Variants in SLC44A5 observed in about 807,000 individuals in gnomAD.
The protein encoded by SLC44A5 is solute carrier family 44 member 5.
In SLC44A5, 57 loss-of-function variants were observed where a neutral mutation model predicts 101.8. That is an observed-to-expected ratio of 0.56 (90% CI 0.45 to 0.70). The LOEUF is 0.70. SLC44A5 is among the 30% of genes least tolerant of loss of function. The pLI is 0.00. For missense variants in SLC44A5, 737 were observed against 853.1 expected (o/e 0.86, Z 1.70); for synonymous variants, 281 against 290.9 (o/e 0.97, Z 0.35).
intron 1 of SLC44A5, among the ~76,000 whole-genome samples, chr1:75,542,267 C>T: frequency 6.6e-6 from 1 of 152,106 alleles, no homozygotes; most frequent in East Asian, 1.9e-4. Flanking sequence ...ATGTTAATGA[C>T]TTCCATAACC....
intron 5 of SLC44A5, among the ~76,000 whole-genome samples, chr1:75,278,512 T>C (rs1652119981): frequency 6.6e-6 from 1 of 152,108 alleles, no homozygotes; most frequent in Admixed American, 6.6e-5. Context: ...GAAATAATAG[T>C]CACAGATAAT....
the SLC44A5 span, among the ~76,000 whole-genome samples, chr1:75,669,476 TG>T: frequency 6.6e-6 from 1 of 152,206 alleles, no homozygotes; most frequent in Non-Finnish European, 1.5e-5. Context: ...TCTCACCCAG[TG>T]GAGGACACAA....
At chr1:75,615,666 G>A (rs1675846395), upstream of SLC44A5, among the ~76,000 whole-genome samples, 1 of 152,086 alleles carries the variant, frequency 6.6e-6, no homozygotes, top group Non-Finnish European at 1.5e-5. Flanking sequence ...ACTCCTGTCA[G>A]TGTCCCCGGA....
the SLC44A5 span, among the ~76,000 whole-genome samples, chr1:75,711,647 G>A: frequency 0.24 from 35,837 of 152,040 alleles, 4,606 homozygotes; most frequent in Non-Finnish European, 0.3. Flanking sequence ...TATCTTATGT[G>A]CAGGAAAAGT....
At chr1:75,544,137 T>A (rs910292351) in intron 1 of SLC44A5, among the ~76,000 whole-genome samples, 2 of 152,148 alleles carry the variant, frequency 1.3e-5, no homozygotes, top group Non-Finnish European at 2.9e-5. Context: ...GGCTCTGCTG[T>A]TATGAATGAA....
At chr1:75,709,047 T>A in the SLC44A5 span, among the ~76,000 whole-genome samples, 1 of 152,204 alleles carries the variant, frequency 6.6e-6, no homozygotes, top group East Asian at 1.9e-4. Flanking sequence ...CGGATACTGA[T>A]GAGTTGTTGC....
At chr1:75,556,153 G>A (rs192020020) in intron 1 of SLC44A5, among the ~76,000 whole-genome samples, 22 of 152,134 alleles carry the variant, frequency 1.4e-4, no homozygotes, top group African/African-American at 5.1e-4. Context: ...TTTTTATTGT[G>A]ATCATGATGT....
the SLC44A5 span, among the ~76,000 whole-genome samples, chr1:75,664,685 G>C: frequency 2.6e-5 from 4 of 152,266 alleles, no homozygotes; most frequent in East Asian, 7.7e-4. Flanking sequence ...ACTTTGGGAG[G>C]CCGAGGCAAG....
intron 1 of SLC44A5, among the ~76,000 whole-genome samples, chr1:75,605,586 T>C (rs2065481): frequency 0.31 from 46,716 of 151,912 alleles, 8,035 homozygotes; most frequent in East Asian, 0.78. Flanking sequence ...CAATGTGAAA[T>C]TGTGGTTTCT....
intron 1 of SLC44A5, among the ~76,000 whole-genome samples, chr1:75,598,584 C>G (rs145413466): frequency 1.3e-5 from 2 of 152,164 alleles, no homozygotes; most frequent in Non-Finnish European, 2.9e-5. Flanking sequence ...CCATGGAATA[C>G]TATGCAGCTA....
chr1:75,265,232 A>T (rs561213201), intron 6 of SLC44A5, among the ~76,000 whole-genome samples: 69 of 152,278 alleles, frequency 4.5e-4, no homozygotes, highest in Non-Finnish European at 7.6e-4. Context: ...TGGAGAGGAG[A>T]TAATTCTTTA....
At chr1:75,619,254 A>G in the SLC44A5 span, among the ~76,000 whole-genome samples, 3 of 151,754 alleles carry the variant, frequency 2.0e-5, no homozygotes, top group Non-Finnish European at 2.9e-5. Flanking sequence ...GAAGGGAGGA[A>G]GGAACAAAGG....
the SLC44A5 span, among the ~76,000 whole-genome samples, chr1:75,679,221 A>G: frequency 6.6e-6 from 1 of 152,218 alleles, no homozygotes; most frequent in African/African-American, 2.4e-5. Flanking sequence ...TCCCCAATCT[A>G]GCAAGGCAGG....
intron 1 of SLC44A5, among the ~76,000 whole-genome samples, chr1:75,556,267 T>TA (rs1301614186): frequency 6.6e-6 from 1 of 152,160 alleles, no homozygotes; most frequent in Non-Finnish European, 1.5e-5. Context: ...CGTCAAAACT[T>TA]ACTAAACTAA....
chr1:75,585,554 A>G (rs1673944102), intron 1 of SLC44A5, among the ~76,000 whole-genome samples: 1 of 152,188 alleles, frequency 6.6e-6, no homozygotes, highest in African/African-American at 2.4e-5. Flanking sequence ...AATTGCATTT[A>G]AACTTCATGA....
chr1:75,666,421 A>G, the SLC44A5 span, among the ~76,000 whole-genome samples: 1 of 152,160 alleles, frequency 6.6e-6, no homozygotes, highest in Non-Finnish European at 1.5e-5. Context: ...GACCAATAAC[A>G]TGTTCTGAAA....
chr1:75,470,719 G>A (rs1213710984), intron 2 of SLC44A5, among the ~76,000 whole-genome samples: 1 of 151,186 alleles, frequency 6.6e-6, no homozygotes, highest in Non-Finnish European at 1.5e-5. Flanking sequence ...AGGCCAGAGA[G>A]AAGCGTGACC....
chr1:75,568,277 T>C (rs1274853115), intron 1 of SLC44A5, among the ~76,000 whole-genome samples: 3 of 151,770 alleles, frequency 2.0e-5, no homozygotes, highest in Non-Finnish European at 2.9e-5. Flanking sequence ...TTTAAATGTT[T>C]CCCATTAAAA....
chr1:75,522,683 A>T (rs534181114), intron 2 of SLC44A5, among the ~76,000 whole-genome samples: 1 of 152,290 alleles, frequency 6.6e-6, no homozygotes, highest in South Asian at 2.1e-4. Context: ...ACTAAACTAG[A>T]TATGCAGCGC....
Sources: gnomAD v4.1 joint callset for allele counts (sites outside exome capture counted in the v4.1 genomes callset) on GRCh38, gnomAD v4.1.1 for gene constraint, MANE v1.5 for transcripts, NCBI Gene and HGNC (gene_info 2026-07-23, HGNC 2026-07-21) for gene names.